The following ADK variants were observed in gnomAD, a reference collection of about 807,000 sequenced individuals.
ADK encodes the protein N6,N6-dimethyladenosine kinase.
Under a neutral mutation model 44.7 loss-of-function variants are expected in ADK, and 24 were observed. The observed-to-expected ratio is 0.54, with a 90% CI of 0.39 to 0.76. ADK has a LOEUF of 0.76. ADK is among the 30% of genes least tolerant of loss of function. ADK has a pLI of 0.00. For missense variants in ADK, 321 were observed against 425.1 expected (o/e 0.76, Z 2.15); for synonymous variants, 128 against 142.6 (o/e 0.90, Z 0.73).
chr10:74,317,595 T>G (rs1592038254), intron 4 of ADK, among the ~76,000 whole-genome samples: 1 of 147,482 alleles, frequency 6.8e-6, no homozygotes, highest in Admixed American at 6.7e-5. Flanking sequence ...TGGAAGAAAA[T>G]GACTTCCTTG....
intron 10 of ADK, among the ~76,000 whole-genome samples, chr10:74,687,865 T>TC (rs1734365015): frequency 6.6e-6 from 1 of 152,228 alleles, no homozygotes; most frequent in South Asian, 2.1e-4. Flanking sequence ...CTAACTGATG[T>TC]CTATGCCTTC....
intron 8 of ADK, among the ~76,000 whole-genome samples, chr10:74,594,779 T>A (rs538574757): frequency 6.6e-6 from 1 of 152,130 alleles, no homozygotes. Flanking sequence ...GCTCACAGTT[T>A]ATAAAACCTT....
At position 74,450,282 on chromosome 10, in the gene ADK, A is replaced by G. The variant is rs113620008; in HGVS notation, c.555+51703A>G. On this transcript the variant is annotated intron_variant, in intron 6 of 10. Coordinates refer to ENST00000539909, the MANE Select transcript of ADK (RefSeq NM_006721.4). ...ATCTGTGATCGTATCTCTGCACTTC[A>G]GCCTGTGTGACAGAGTGAGACTTTT... Among the ~76,000 whole-genome samples, 778 of 152,320 alleles carry G rather than the reference A, an allele frequency of 5.1e-3. 12 individuals carry two copies. The highest frequency in any genetic ancestry group is 0.017 in the African/African-American group (727 of 41,560).
At chr10:74,322,536 T>G (rs895392118) in intron 4 of ADK, among the ~76,000 whole-genome samples, 28 of 152,318 alleles carry the variant, frequency 1.8e-4, no homozygotes, top group African/African-American at 6.5e-4. Context: ...CTGTTCTCTT[T>G]CCTTTTCAAA....
chr10:74,677,614 AC>A (rs1324616616), intron 10 of ADK, among the ~76,000 whole-genome samples: 1 of 152,102 alleles, frequency 6.6e-6, no homozygotes, highest in Non-Finnish European at 1.5e-5. Context: ...TGTTTCTCAG[AC>A]TTCTTCACTC....
intron 1 of ADK, among the ~76,000 whole-genome samples, chr10:74,182,001 G>A (rs1466075936): frequency 6.6e-6 from 1 of 152,268 alleles, no homozygotes; most frequent in East Asian, 1.9e-4. Flanking sequence ...TGTGGGTTAA[G>A]CCTACATTGG....
chr10:74,182,938 C>G (rs1842615333), intron 1 of ADK, among the ~76,000 whole-genome samples: 1 of 152,082 alleles, frequency 6.6e-6, no homozygotes, highest in Non-Finnish European at 1.5e-5. Flanking sequence ...TTTTTTGAGG[C>G]ACGGTCTTGC....
At chr10:74,551,007 T>C (rs1206816997) in intron 7 of ADK, among the ~76,000 whole-genome samples, 1 of 152,086 alleles carries the variant, frequency 6.6e-6, no homozygotes, top group Non-Finnish European at 1.5e-5. Flanking sequence ...CATACCCAGC[T>C]CTGAACTATT....
At chr10:74,267,754 T>TGTG (rs1846265534) in intron 3 of ADK, among the ~76,000 whole-genome samples, 24 of 132,844 alleles carry the variant, frequency 1.8e-4, no homozygotes, top group African/African-American at 6.5e-4. Context: ...ATATCCTTAT[T>TGTG]TGTGTGTGTG....
At chr10:74,665,181 TTGTC>T (rs57731364) in intron 9 of ADK, among the ~76,000 whole-genome samples, 16,474 of 152,108 alleles carry the variant, frequency 0.11, 1,438 homozygotes, top group African/African-American at 0.23. Context: ...TGCATAGAAA[TTGTC>T]TGTATTTTTC....
intron 3 of ADK, among the ~76,000 whole-genome samples, chr10:74,277,905 T>C (rs1846766010): frequency 6.6e-6 from 1 of 152,222 alleles, no homozygotes; most frequent in Non-Finnish European, 1.5e-5. Context: ...TTGATAAAAA[T>C]ATAGATTATC....
At chr10:74,475,147 CA>C (rs111879675) in intron 6 of ADK, among the ~76,000 whole-genome samples, 11 of 149,564 alleles carry the variant, frequency 7.4e-5, no homozygotes, top group South Asian at 4.2e-4. Flanking sequence ...ACAAAGCAAA[CA>C]AAAAAAAACA....
intron 9 of ADK, among the ~76,000 whole-genome samples, chr10:74,624,633 GT>G (rs759027204): frequency 1.3e-5 from 2 of 152,032 alleles, no homozygotes; most frequent in Non-Finnish European, 2.9e-5. Context: ...TAATAGAGCT[GT>G]TTAGCTGTCA....
At chr10:74,378,770 G>A (rs1316703039) in intron 4 of ADK, among the ~76,000 whole-genome samples, 1 of 152,018 alleles carries the variant, frequency 6.6e-6, no homozygotes, top group Non-Finnish European at 1.5e-5. Context: ...GGAGGGGTTG[G>A]CATTTGCTAA....
intron 9 of ADK, among the ~76,000 whole-genome samples, chr10:74,649,492 G>A (rs1854181511): frequency 6.6e-6 from 1 of 151,904 alleles, no homozygotes; most frequent in African/African-American, 2.4e-5. Flanking sequence ...AGGTATGATG[G>A]CAAGCACCTG....
intron 3 of ADK, among the ~76,000 whole-genome samples, chr10:74,244,485 A>G (rs1845340990): frequency 6.6e-6 from 1 of 152,214 alleles, no homozygotes; most frequent in African/African-American, 2.4e-5. Flanking sequence ...CCCAGAGTTA[A>G]TATGCCAGAT....
chr10:74,615,139 A>G (rs1378909353), intron 9 of ADK, among the ~76,000 whole-genome samples: 1 of 152,194 alleles, frequency 6.6e-6, no homozygotes, highest in Non-Finnish European at 1.5e-5. Flanking sequence ...TTGCTTGCCC[A>G]TACCCTTGTA....
chr10:74,205,040 CAAAAAAAAAAAA>C (rs60670688), intron 2 of ADK, among the ~76,000 whole-genome samples: 4 of 51,644 alleles, frequency 7.7e-5, no homozygotes, highest in East Asian at 6.9e-4. Context: ...CACTCTGTCT[CAAAAAAAAAAAA>C]AAAAAAAAAA....
rs368902823 is a variant in ADK, at chr10:74,501,379, C to T, written c.556-23877C>T. Among the ~76,000 whole-genome samples, 202 of 152,212 alleles carry T rather than the reference C, an allele frequency of 1.3e-3. 5 individuals are homozygous for T. The South Asian group carries it at 0.039, about 29-fold the overall frequency. ...AACTTCTTCATCATATATAAAATTT[C>T]GTGTTTATAAAATTTCCACTAAAAC... On this transcript the variant is annotated intron_variant, in intron 6 of 10. Coordinates refer to ENST00000539909, the MANE Select transcript of ADK (RefSeq NM_006721.4).
Sources: gnomAD v4.1 joint callset for allele counts (sites outside exome capture counted in the v4.1 genomes callset) on GRCh38, gnomAD v4.1.1 for gene constraint, MANE v1.5 for transcripts, NCBI Gene and HGNC (gene_info 2026-07-23, HGNC 2026-07-21) for gene names.